STK32B: variants seen among roughly 807,000 people sequenced by gnomAD.
STK32B encodes the protein serine/threonine-protein kinase 32B.
STK32B carries 43 observed loss-of-function variants against 52.6 expected under a neutral mutation model. The observed-to-expected ratio is 0.82, with a 90% CI of 0.64 to 1.05. STK32B has a LOEUF of 1.05. Among genes scored for constraint, STK32B ranks in the 50% least tolerant of loss-of-function variants. The probability of loss-of-function intolerance (pLI) is 0.00; values close to 1 mark genes in which losing one functional copy is unlikely to be tolerated. For missense variants in STK32B, 621 were observed against 534.6 expected, an observed-to-expected ratio of 1.16 and a Z score of -1.59; for synonymous variants, 238 against 204.3, an observed-to-expected ratio of 1.17 and a Z score of -1.41.
At position 5,399,585 on chromosome 4, in the gene STK32B, G is replaced by T. The variant is rs978118247; in HGVS notation, c.472+1341G>T. Among the ~76,000 whole-genome samples, 1 of 152,126 alleles carries T rather than the reference G, an allele frequency of 6.6e-6. No homozygotes were observed. On this transcript the variant is annotated intron_variant, in intron 5 of 11. Transcript: ENST00000282908. The surrounding 1 kb of genome is among the most constrained non-coding windows in gnomAD (Gnocchi z 5.4). ...GACAGAGCTGAGGATCCAAATCAAGGCTGGAAAGGAAGCGAAAGCAACGTC... is the reference window on the plus strand; with the variant it reads ...GACAGAGCTGAGGATCCAAATCAAGTCTGGAAAGGAAGCGAAAGCAACGTC...
intron 4 of STK32B, among the ~76,000 whole-genome samples, chr4:5,367,277 T>C (rs556209016): frequency 1.2e-4 from 18 of 152,236 alleles, no homozygotes; most frequent in African/African-American, 4.3e-4. Context: ...GATAGTTCTT[T>C]ATGCCTTTTG....
At chr4:5,178,612 C>A (rs188760110) in intron 3 of STK32B, among the ~76,000 whole-genome samples, 29 of 152,336 alleles carry the variant, frequency 1.9e-4, no homozygotes, top group African/African-American at 7.0e-4. Context: ...GCTCTGCATC[C>A]TCTTGAACAT....
At chr4:5,452,781 T>A (rs892006462) in intron 7 of STK32B, among the ~76,000 whole-genome samples, 3 of 152,012 alleles carry the variant, frequency 2.0e-5, no homozygotes, top group African/African-American at 7.2e-5. Context: ...TTGGCAAAAT[T>A]TTTTTTAGAA....
At chr4:5,261,395 C>G (rs2108845020) in intron 3 of STK32B, among the ~76,000 whole-genome samples, 1 of 152,304 alleles carries the variant, frequency 6.6e-6, no homozygotes, top group Non-Finnish European at 1.5e-5. Context: ...TTGTGTCAGT[C>G]TAGGTGAATG....
intron 6 of STK32B, among the ~76,000 whole-genome samples, chr4:5,430,970 G>T (rs992752889): frequency 1.3e-5 from 2 of 152,194 alleles, no homozygotes; most frequent in Admixed American, 6.5e-5. Flanking sequence ...GTGGCAGAGG[G>T]TGGGGAGAGT....
At chr4:5,116,186 A>G (rs1279055701) in intron 1 of STK32B, among the ~76,000 whole-genome samples, 1 of 149,358 alleles carries the variant, frequency 6.7e-6, no homozygotes, top group Admixed American at 6.6e-5. Flanking sequence ...GCATGCACGC[A>G]CACACACACA....
At chr4:5,061,608 C>A (rs1053865819) in intron 1 of STK32B, among the ~76,000 whole-genome samples, 5 of 152,086 alleles carry the variant, frequency 3.3e-5, no homozygotes, top group Non-Finnish European at 7.3e-5. Context: ...AAAGATTTTC[C>A]TTCTGGTCTT....
At chr4:5,445,677 TA>T (rs1715337802) in intron 6 of STK32B, among the ~76,000 whole-genome samples, 1 of 152,204 alleles carries the variant, frequency 6.6e-6, no homozygotes, top group African/African-American at 2.4e-5. Flanking sequence ...TCACATAAGA[TA>T]AAATTAGCCA....
intron 3 of STK32B, among the ~76,000 whole-genome samples, chr4:5,298,813 G>A (rs1248958336): frequency 6.6e-6 from 1 of 151,110 alleles, no homozygotes; most frequent in Admixed American, 6.6e-5. Flanking sequence ...TGTCTCACTG[G>A]GGTTCCAGGT....
chr4:5,357,068 C>CACACATAT (rs1734231461), intron 4 of STK32B, among the ~76,000 whole-genome samples: 1 of 145,930 alleles, frequency 6.9e-6, no homozygotes. Flanking sequence ...TATATACACA[C>CACACATAT]ATATACACAC....
chr4:5,489,013 T>G (rs933597852), intron 11 of STK32B, among the ~76,000 whole-genome samples: 1 of 152,112 alleles, frequency 6.6e-6, no homozygotes, highest in Non-Finnish European at 1.5e-5. Context: ...ACCTTGAATT[T>G]TAGTAAAACT....
At chr4:5,457,732 A>ACTTTT (rs1716679880) in intron 8 of STK32B, among the ~76,000 whole-genome samples, 1 of 151,494 alleles carries the variant, frequency 6.6e-6, no homozygotes, top group Non-Finnish European at 1.5e-5. Context: ...CACCTACAAA[A>ACTTTT]GTAGGTGGCA....
At chr4:5,490,555 G>A (rs1008369952) in intron 11 of STK32B, among the ~76,000 whole-genome samples, 12 of 151,846 alleles carry the variant, frequency 7.9e-5, no homozygotes, top group African/African-American at 2.4e-4. Flanking sequence ...GCAGAGCCTC[G>A]TCTTTTTTTT....
chr4:5,281,809 G>A lies in STK32B; in HGVS notation c.261-49411G>A, dbSNP rs559891503. Reference sequence around the variant, plus strand: ...GACATAATTGAGGTGAAACACACAAGGTTTAGGTATCATTGAACAGATTCT... The same window carrying A: ...GACATAATTGAGGTGAAACACACAAAGTTTAGGTATCATTGAACAGATTCT... On this transcript the variant is annotated intron_variant, in intron 3 of 11. Coordinates refer to ENST00000282908, the MANE Select transcript of STK32B (RefSeq NM_018401.3). 9.9e-5 allele frequency among the ~76,000 whole-genome samples: 15 copies of A among 152,128 alleles called. No homozygotes were observed. The South Asian group carries it at 3.1e-3, about 32-fold the overall frequency.
intron 4 of STK32B, among the ~76,000 whole-genome samples, chr4:5,352,628 A>C (rs377738971): frequency 5.9e-5 from 9 of 151,430 alleles, no homozygotes; most frequent in African/African-American, 1.9e-4. Flanking sequence ...AAAAAAAAAA[A>C]AAACGTCCAA....
chr4:5,463,643 A>G (rs1717208121), intron 9 of STK32B, among the ~76,000 whole-genome samples: 1 of 151,990 alleles, frequency 6.6e-6, no homozygotes, highest in Non-Finnish European at 1.5e-5. Flanking sequence ...GCACACTCCC[A>G]TACAAACACA....
intron 3 of STK32B, among the ~76,000 whole-genome samples, chr4:5,183,720 C>A (rs544195545): frequency 7.0e-4 from 106 of 152,300 alleles, no homozygotes; most frequent in African/African-American, 2.5e-3. Flanking sequence ...TGTCAATGAC[C>A]GTAGCAAGAT....
At chr4:5,087,921 C>T (rs1712826593) in intron 1 of STK32B, among the ~76,000 whole-genome samples, 2 of 151,956 alleles carry the variant, frequency 1.3e-5, no homozygotes, top group Admixed American at 1.3e-4. Flanking sequence ...AAATCAAAGA[C>T]TTGAACAATA....
At chr4:5,321,270 T>TA (rs374276151) in intron 3 of STK32B, among the ~76,000 whole-genome samples, 47 of 151,360 alleles carry the variant, frequency 3.1e-4, no homozygotes, top group East Asian at 3.9e-4. Flanking sequence ...TCAATGGTAT[T>TA]AAAAAAAAAG....
Sources: allele counts gnomAD v4.1 joint callset (sites outside exome capture counted in the v4.1 genomes callset), GRCh38; gene constraint gnomAD v4.1.1; non-coding constraint Gnocchi (gnomAD v3.1); transcripts MANE v1.5; gene names NCBI Gene and HGNC (gene_info 2026-07-23, HGNC 2026-07-21).